The following B4GAT1 variants were observed in gnomAD, a reference collection of about 807,000 sequenced individuals.
B4GAT1 encodes beta-1,4-glucuronyltransferase 1.
In B4GAT1, 18 loss-of-function variants were observed where a neutral mutation model predicts 35.0. That is an observed-to-expected ratio of 0.51 (90% confidence interval 0.36 to 0.76). The LOEUF (loss-of-function observed/expected upper bound fraction) is 0.76, where lower values mean the gene tolerates loss of function less well. Ranked by LOEUF, B4GAT1 falls within the 30% of genes least tolerant of loss-of-function variation. The pLI is 0.01. For synonymous variants in B4GAT1, 217 were observed against 251.6 expected (o/e 0.86, Z 1.30); for missense variants, 458 against 555.0 (o/e 0.83, Z 1.76).
chr11:66,346,531 C>T lies in B4GAT1; in HGVS notation c.1015G>A (p.Asp339Asn), dbSNP rs776107231. ...YVAGGKVPTF[D>N]ERFRQYGFNR... ...AAGCCGTACTGCCGAAAGCGCTCGT[C>T]GAAGGTGGGCACCTTGCCTCCTGCC... The change falls in exon 1 of 2, where the codon GAC (aspartate) becomes AAC (asparagine). Residue 339 changes from aspartate (D) to asparagine (N), a missense_variant. Coordinates refer to ENST00000311181, the MANE Select transcript of B4GAT1 (RefSeq NM_006876.3). This position sits in a 1 kb window ranked among gnomAD's most constrained non-coding sequence, Gnocchi z 6.1. 1.2e-6 allele frequency: 2 copies of T among 1,612,492 alleles called. No homozygotes were observed. Among genetic ancestry groups the T allele is most frequent in the East Asian group, 4.5e-5 (2 of 44,838 alleles).
chr11:66,345,692 A>G lies in B4GAT1; in HGVS notation c.*357T>C. On this transcript the variant is annotated 3_prime_UTR_variant, in exon 2 of 2. Transcript: ENST00000311181. The stretch of plus-strand genomic sequence containing the variant: ...AAGATTGTTAATAATAACAATAATA[A>G]TAACAACAATAATACTGCGATAATA... The G allele has an allele frequency of 5.0e-6, 1 of 200,452 alleles. No individual in the cohort carries two copies. The highest frequency in any genetic ancestry group is 1.0e-5 in the Non-Finnish European group (1 of 99,542). The allele number at this position is 200,452 out of a possible 1,614,324, so 12.4% of individuals were successfully genotyped here.
chr11:66,346,220 C>G lies in B4GAT1; in HGVS notation c.1077G>C (p.Ala359=), dbSNP rs144759932. The G allele has an allele frequency of 1.1e-5, 17 of 1,613,048 alleles. No homozygotes were observed. In the Admixed American group the frequency reaches 2.7e-4, roughly 25 times the overall value. The change falls in exon 2 of 2, where the codon GCG becomes GCC. Residue 359 remains alanine, a synonymous_variant. Transcript: ENST00000311181. This position sits in a 1 kb window ranked among gnomAD's most constrained non-coding sequence, Gnocchi z 6.1. ...CGTTCAGGACCTCAAAATCAAACCCCGCCACATGCAGCTCGCAGGCCTGCA... is the reference window on the plus strand; with the variant it reads ...CGTTCAGGACCTCAAAATCAAACCCGGCCACATGCAGCTCGCAGGCCTGCA... ...RISQACELHV[A]GFDFEVLNEG...
Position 66,347,256 on chromosome 11 carries a change from A to G in B4GAT1, c.290T>C (p.Leu97Pro). The G allele has an allele frequency of 6.4e-7, 1 of 1,570,838 alleles. No individual in the cohort carries two copies. Among genetic ancestry groups the G allele is most frequent in the South Asian group, 1.2e-5 (1 of 86,134 alleles). The change falls in exon 1 of 2, where the codon CTG becomes CCG. Residue 97 changes from leucine (L) to proline (P), a missense_variant. Coordinates refer to ENST00000311181, the MANE Select transcript of B4GAT1 (RefSeq NM_006876.3). This position sits in a 1 kb window ranked among gnomAD's most constrained non-coding sequence, Gnocchi z 6.3. ...GTTGTCCACGCTGGCGTGCGTGGCC[A>G]GGATCACATCGTTGGGGTCCATGGT... Reference protein sequence around the residue: ...KTTMDPNDVILATHASVDNLL... With the variant: ...KTTMDPNDVIPATHASVDNLL...
rs774458027 is a variant in B4GAT1 at position 66,347,305 on chromosome 11, C to T, written c.241G>A (p.Val81Ile). The change falls in exon 1 of 2, where the codon GTC (valine) becomes ATC (isoleucine). Residue 81 changes from valine (V) to isoleucine (I), a missense_variant. Val to Ile is a conservative substitution (Grantham distance 29). Coordinates refer to ENST00000311181, the MANE Select transcript of B4GAT1 (RefSeq NM_006876.3). This position sits in a 1 kb window ranked among gnomAD's most constrained non-coding sequence, Gnocchi z 6.3. ...GVLDASGDYR[V>I]YRGLLKTTMD... ...GTGGTCTTCAGCAGGCCCCTGTAGACGCGGTAATCGCCGCTAGCGTCCAGG... is the reference window on the plus strand; with the variant it reads ...GTGGTCTTCAGCAGGCCCCTGTAGATGCGGTAATCGCCGCTAGCGTCCAGG... 11 of 1,567,646 alleles carry T rather than the reference C, an allele frequency of 7.0e-6. No homozygotes were observed. The Admixed American group carries it at 1.5e-4, about 22-fold the overall frequency.
rs1181091654 is a variant in B4GAT1, at chr11:66,346,908, C to T, written c.638G>A (p.Arg213Lys). ...TNVSYPNNLL[R>K]NLAREGANYA... ...GTTGGCCCCCTCACGAGCCAGATTC[C>T]TCAGCAGGTTATTGGGGTAGGAGAC... The change falls in exon 1 of 2, where the codon AGG becomes AAG. Residue 213 changes from arginine to lysine, a missense_variant. Arg to Lys is a conservative substitution (Grantham distance 26). Coordinates refer to ENST00000311181, the MANE Select transcript of B4GAT1 (RefSeq NM_006876.3). This position sits in a 1 kb window ranked among gnomAD's most constrained non-coding sequence, Gnocchi z 6.1. 1 of 1,613,986 alleles carries T rather than the reference C, an allele frequency of 6.2e-7. No homozygotes were observed. Among genetic ancestry groups the T allele is most frequent in the South Asian group, 1.1e-5 (1 of 91,090 alleles).
At position 66,346,263 on chromosome 11, in the gene B4GAT1, G is replaced by A; in HGVS notation, c.1057-23C>T. 6.2e-7 allele frequency: 1 copy of A among 1,608,024 alleles called. No individual in the cohort carries two copies. The highest frequency in any genetic ancestry group is 8.5e-7 in the Non-Finnish European group (1 of 1,175,290). On this transcript the variant is annotated intron_variant, in intron 1 of 1. Coordinates refer to ENST00000311181, the MANE Select transcript of B4GAT1 (RefSeq NM_006876.3). This position sits in a 1 kb window ranked among gnomAD's most constrained non-coding sequence, Gnocchi z 6.1. ...GGCCTGCAGGAGGAAAGACAGGTTA[G>A]CAAAGTTTGATGACATTGACAGGCC...
chr11:66,346,074 T>C lies in B4GAT1; in HGVS notation c.1223A>G (p.Tyr408Cys). 6.2e-7 allele frequency: 1 copy of C among 1,612,870 alleles called. No individual in the cohort carries two copies. The highest frequency in any genetic ancestry group is 1.1e-5 in the South Asian group (1 of 91,048). The part of the protein sequence containing the change: ...RQFKQELKAK[Y>C]PNSPRRC ...TCAGCAGCGTCGGGGAGAGTTGGGG[T>C]ACTTGGCCTTCAACTCCTGTTTGAA... The change falls in exon 2 of 2, where the codon TAC (tyrosine) becomes TGC (cysteine). Residue 408 changes from tyrosine to cysteine, a missense_variant. By Grantham distance (194) the Tyr-to-Cys change is radical. Coordinates refer to ENST00000311181, the MANE Select transcript of B4GAT1 (RefSeq NM_006876.3). The surrounding 1 kb of genome is among the most constrained non-coding windows in gnomAD (Gnocchi z 6.1).
Position 66,347,190 on chromosome 11 carries a change from G to A in B4GAT1, c.356C>T (p.Pro119Leu), listed in dbSNP as rs1283199053. 6.3e-7 allele frequency: 1 copy of A among 1,584,564 alleles called. No homozygotes were observed. The change falls in exon 1 of 2, where the codon CCG (proline) becomes CTG (leucine). Residue 119 changes from proline (P) to leucine (L), a missense_variant. By Grantham distance (98) the Pro-to-Leu change is moderately conservative. Transcript: ENST00000311181. The surrounding 1 kb of genome is among the most constrained non-coding windows in gnomAD (Gnocchi z 6.3). ...GGCCGCGAACACCGACACGGACAGC[G>A]GGCCCTCCCAGCGCTCCAGCAGACC... The part of the protein sequence containing the change: ...LSGLLERWEG[P>L]LSVSVFAATK...
rs778359731 is a variant in B4GAT1, at chr11:66,347,095, C to T, written c.451G>A (p.Ala151Thr). The T allele has an allele frequency of 7.6e-6, 12 of 1,582,150 alleles. No individual in the cohort carries two copies. In the Admixed American group the frequency reaches 1.9e-4, roughly 25 times the overall value. ...CACACGAGGTGCATGGCGACCCTGG[C>T]GCGCATGTCGGGGCAGTGGCTGCTC... ...ALSSHCPDMR[A>T]RVAMHLVCPS... Residue 151 changes from alanine (A) to threonine (T), a missense_variant, in exon 1 of 2, where the codon GCC becomes ACC. Ala to Thr is a moderately conservative substitution (Grantham distance 58). Coordinates refer to ENST00000311181, the MANE Select transcript of B4GAT1 (RefSeq NM_006876.3). The surrounding 1 kb of genome is among the most constrained non-coding windows in gnomAD (Gnocchi z 6.3).
Position 66,346,575 on chromosome 11 carries a change from G to A in B4GAT1, c.971C>T (p.Pro324Leu). The A allele has an allele frequency of 6.2e-7, 1 of 1,613,918 alleles. No individual in the cohort carries two copies. Among genetic ancestry groups the A allele is most frequent in the Non-Finnish European group, 8.5e-7 (1 of 1,180,000 alleles). Residue 324 changes from proline to leucine, a missense_variant, in exon 1 of 2, where the codon CCC becomes CTC. Pro to Leu is a moderately conservative substitution (Grantham distance 98, BLOSUM62 -3). Transcript: ENST00000311181. This position sits in a 1 kb window ranked among gnomAD's most constrained non-coding sequence, Gnocchi z 6.1. ...RPAYVVPWQD[P>L]WEPFYVAGGK... ...TCCTGCCACGTAGAATGGCTCCCAG[G>A]GGTCCTGCCAAGGTACCACGTAGGC... is the stretch of plus-strand genomic sequence containing the variant.
Position 66,346,846 on chromosome 11 carries a change from C to T in B4GAT1, c.700G>A (p.Glu234Lys). 4 of 1,613,856 alleles carry T rather than the reference C, an allele frequency of 2.5e-6. No individual in the cohort carries two copies. The highest frequency in any genetic ancestry group is 2.2e-5 in the East Asian group (1 of 44,846). ...LVIDVDMVPS[E>K]GLWRGLREML... The stretch of plus-strand genomic sequence containing the variant: ...TCCCGCAGGCCTCTCCACAGCCCCT[C>T]GCTGGGCACCATGTCCACATCGATC... The change falls in exon 1 of 2, where the codon GAG becomes AAG. Residue 234 changes from glutamate to lysine, a missense_variant. Physicochemically the swap from Glu to Lys is moderately conservative, Grantham distance 56. Transcript: ENST00000311181. The surrounding 1 kb of genome is among the most constrained non-coding windows in gnomAD (Gnocchi z 6.1).
chr11:66,347,028 G>A lies in B4GAT1; in HGVS notation c.518C>T (p.Pro173Leu), dbSNP rs776873237. The change falls in exon 1 of 2, where the codon CCG (proline) becomes CTG (leucine). Residue 173 changes from proline (P) to leucine (L), a missense_variant. Pro to Leu is a moderately conservative substitution (Grantham distance 98). Transcript: ENST00000311181. The surrounding 1 kb of genome is among the most constrained non-coding windows in gnomAD (Gnocchi z 6.3). ...YEAAVPDPRE[P>L]GEFALLRSCQ... ...GGACCGCAGCAGGGCAAACTCCCCC[G>A]GCTCCCGGGGGTCGGGCACGGCTGC... 15 of 1,589,608 alleles carry A rather than the reference G, an allele frequency of 9.4e-6. No individual in the cohort carries two copies. The highest frequency in any genetic ancestry group is 6.8e-5 in the South Asian group (6 of 88,356).
At position 66,347,336 on chromosome 11, in the gene B4GAT1, T is replaced by A. The variant is rs1213999550; in HGVS notation, c.210A>T (p.Gly70=). The change falls in exon 1 of 2, where the codon GGA becomes GGT. Residue 70 remains glycine (G), a synonymous_variant. Transcript: ENST00000311181. The surrounding 1 kb of genome is among the most constrained non-coding windows in gnomAD (Gnocchi z 6.3). ...KAQLRTALAS[G]GVLDASGDYR... ...AATCGCCGCTAGCGTCCAGGACGCC[T>A]CCAGAGGCCAGCGCGGTGCGGAGCT... 1.1e-5 allele frequency: 18 copies of A among 1,575,134 alleles called. No individual in the cohort carries two copies. The highest frequency in any genetic ancestry group is 1.4e-5 in the Non-Finnish European group (16 of 1,161,602).
At position 66,346,441 on chromosome 11, in the gene B4GAT1, C is replaced by G; in HGVS notation, c.1056+49G>C. 1.3e-6 allele frequency: 2 copies of G among 1,558,496 alleles called. No homozygotes were observed. The highest frequency in any genetic ancestry group is 8.7e-7 in the Non-Finnish European group (1 of 1,149,434). ...GGGCCACTCCTCATAACTCCCTGAT[C>G]CCACCACCCCTCCTGCCCCATTACC... On this transcript the variant is annotated intron_variant, in intron 1 of 1. Coordinates refer to ENST00000311181, the MANE Select transcript of B4GAT1 (RefSeq NM_006876.3). This position sits in a 1 kb window ranked among gnomAD's most constrained non-coding sequence, Gnocchi z 6.1.
chr11:66,346,431 ACT>A lies in B4GAT1; in HGVS notation c.1056+57_1056+58del. On this transcript the variant is annotated intron_variant, in intron 1 of 1. Coordinates refer to ENST00000311181, the MANE Select transcript of B4GAT1 (RefSeq NM_006876.3). This position sits in a 1 kb window ranked among gnomAD's most constrained non-coding sequence, Gnocchi z 6.1. ...TTTCCATCCAGGGCCACTCCTCATA[ACT>A]CCCTGATCCCACCACCCCTCCTGCC... 6.4e-7 allele frequency: 1 copy of A among 1,550,744 alleles called. No individual in the cohort carries two copies. Among genetic ancestry groups the A allele is most frequent in the Non-Finnish European group, 8.7e-7 (1 of 1,146,828 alleles).
chr11:66,346,192 C>T lies in B4GAT1; in HGVS notation c.1105G>A (p.Gly369Ser), dbSNP rs1243146726. 1 of 1,614,076 alleles carries T rather than the reference C, an allele frequency of 6.2e-7. No individual in the cohort carries two copies. The highest frequency in any genetic ancestry group is 1.3e-5 in the African/African-American group (1 of 75,016). ...AGFDFEVLNE[G>S]FLVHKGFKEA... ...TTGAAGCCCTTATGAACCAAGAAAC[C>T]TTCGTTCAGGACCTCAAAATCAAAC... The change falls in exon 2 of 2, where the codon GGT (glycine) becomes AGT (serine). Residue 369 changes from glycine to serine, a missense_variant. Transcript: ENST00000311181. The surrounding 1 kb of genome is among the most constrained non-coding windows in gnomAD (Gnocchi z 6.1).
chr11:66,345,923 C>G lies in B4GAT1; in HGVS notation c.*126G>C. On this transcript the variant is annotated 3_prime_UTR_variant, in exon 2 of 2. Coordinates refer to ENST00000311181, the MANE Select transcript of B4GAT1 (RefSeq NM_006876.3). ...GGAATCGATCCCAGCACCCCATATC[C>G]AAGTCCAGTGTTTCAACACCACAGC... 1 of 1,067,620 alleles carries G rather than the reference C, an allele frequency of 9.4e-7. No homozygotes were observed. Among genetic ancestry groups the G allele is most frequent in the Non-Finnish European group, 1.4e-6 (1 of 732,992 alleles). 66.1% of individuals were successfully genotyped at this position (1,067,620 alleles called of 1,614,324 possible).
chr11:66,346,827 A>G lies in B4GAT1; in HGVS notation c.719T>C (p.Leu240Pro). Residue 240 changes from leucine (L) to proline (P), a missense_variant, in exon 1 of 2, where the codon CTG (leucine) becomes CCG (proline). Physicochemically the swap from Leu to Pro is moderately conservative, Grantham distance 98. Coordinates refer to ENST00000311181, the MANE Select transcript of B4GAT1 (RefSeq NM_006876.3). The surrounding 1 kb of genome is among the most constrained non-coding windows in gnomAD (Gnocchi z 6.1). ...GTTGCTCTGATCCAGCATTTCCCGC[A>G]GGCCTCTCCACAGCCCCTCGCTGGG... The part of the protein sequence containing the change: ...MVPSEGLWRG[L>P]REMLDQSNQW... 6.2e-7 allele frequency: 1 copy of G among 1,613,612 alleles called. No homozygotes were observed. Among genetic ancestry groups the G allele is most frequent in the Non-Finnish European group, 8.5e-7 (1 of 1,179,920 alleles).
In B4GAT1 at chr11:66,346,281, G is replaced by A. The variant is rs1855211589; in HGVS notation, c.1057-41C>T. On this transcript the variant is annotated intron_variant, in intron 1 of 1. Coordinates refer to ENST00000311181, the MANE Select transcript of B4GAT1 (RefSeq NM_006876.3). The surrounding 1 kb of genome is among the most constrained non-coding windows in gnomAD (Gnocchi z 6.1). ...CAGGTTAGCAAAGTTTGATGACATT[G>A]ACAGGCCTGAGACTGACTTCCCTAA... is the stretch of plus-strand genomic sequence containing the variant. 1 of 1,601,976 alleles carries A rather than the reference G, an allele frequency of 6.2e-7. No homozygotes were observed.
Sources: gnomAD v4.1 joint callset for allele counts on GRCh38, gnomAD v4.1.1 for gene constraint, Gnocchi (gnomAD v3.1) non-coding constraint, MANE v1.5 for transcripts, NCBI Gene and HGNC (gene_info 2026-07-23, HGNC 2026-07-21) for gene names.